ADAMTS20: variants seen among roughly 807,000 people sequenced by gnomAD.
ADAMTS20 encodes ADAM metallopeptidase with thrombospondin type 1 motif 20, also known as A disintegrin and metalloproteinase with thrombospondin motifs 20.
Under a neutral mutation model 260.1 loss-of-function variants are expected in ADAMTS20, and 225 were observed. The ratio of observed to expected loss-of-function variants is 0.87; its 90% CI spans 0.78 to 0.97. ADAMTS20 has a LOEUF of 0.97. Ranked by LOEUF, ADAMTS20 falls within the 50% of genes least tolerant of loss-of-function variation. The pLI is 0.00. For synonymous variants in ADAMTS20, 802 were observed against 769.5 expected (o/e 1.04, Z -0.70); for missense variants, 2,400 against 2,337.7 (o/e 1.03, Z -0.55).
At chr12:43,365,155 A>T (rs1021049063) in intron 37 of ADAMTS20, among the ~76,000 whole-genome samples, 76 of 152,176 alleles carry the variant, frequency 5.0e-4, no homozygotes, top group African/African-American at 1.8e-3. Flanking sequence ...TTTAATAAGC[A>T]AACCTATCAT....
intron 28 of ADAMTS20, among the ~76,000 whole-genome samples, chr12:43,416,415 T>C (rs1941130477): frequency 6.6e-6 from 1 of 152,198 alleles, no homozygotes; most frequent in Non-Finnish European, 1.5e-5. Context: ...TGATCCTCAT[T>C]GGTCTTCTTG....
intron 29 of ADAMTS20, among the ~76,000 whole-genome samples, chr12:43,385,744 C>G (rs555932938): frequency 6.6e-5 from 10 of 152,232 alleles, no homozygotes; most frequent in Non-Finnish European, 1.5e-4. Flanking sequence ...AAGATTTGGT[C>G]AAAGATCAGA....
At chr12:43,461,362 T>C (rs190537952) in intron 11 of ADAMTS20, among the ~76,000 whole-genome samples, 64 of 152,226 alleles carry the variant, frequency 4.2e-4, no homozygotes, top group Non-Finnish European at 7.2e-4. Context: ...TGCATCCACA[T>C]TTGTTAAAAT....
chr12:43,491,619 T>G (rs1431325141), intron 6 of ADAMTS20, among the ~76,000 whole-genome samples: 1 of 152,218 alleles, frequency 6.6e-6, no homozygotes, highest in Non-Finnish European at 1.5e-5. Context: ...GCATTGCTTG[T>G]AAAATGAATA....
At chr12:43,512,955 T>A (rs920827818) in intron 3 of ADAMTS20, among the ~76,000 whole-genome samples, 3 of 152,184 alleles carry the variant, frequency 2.0e-5, no homozygotes. Flanking sequence ...TTGGTAAATG[T>A]TGATTCCTAG....
At chr12:43,472,454 G>A (rs1942280699) in intron 7 of ADAMTS20, among the ~76,000 whole-genome samples, 1 of 133,518 alleles carries the variant, frequency 7.5e-6, no homozygotes, top group Admixed American at 7.8e-5. Flanking sequence ...TAGCAAGGCA[G>A]GCCAACGTTC....
At chr12:43,539,976 G>A (rs984133358) in intron 2 of ADAMTS20, among the ~76,000 whole-genome samples, 5 of 151,204 alleles carry the variant, frequency 3.3e-5, no homozygotes, top group Non-Finnish European at 5.9e-5. Context: ...TCCACCTCCC[G>A]GGTTCAAGTG....
intron 28 of ADAMTS20, among the ~76,000 whole-genome samples, chr12:43,413,004 T>C (rs887515592): frequency 9.2e-5 from 14 of 151,766 alleles, no homozygotes; most frequent in Admixed American, 5.9e-4. Flanking sequence ...AGAGATGGGG[T>C]TTCACCATGT....
chr12:43,427,257 A>G (rs1382387304), intron 27 of ADAMTS20, 51 bp downstream of exon 27: 1 of 1,566,690 alleles, frequency 6.4e-7, no homozygotes, highest in African/African-American at 1.4e-5. Context: ...TTTTACTTTC[A>G]GTCTTCAGAG....
intron 3 of ADAMTS20, among the ~76,000 whole-genome samples, chr12:43,513,402 C>G (rs529409669): frequency 6.6e-6 from 1 of 152,164 alleles, no homozygotes; most frequent in Non-Finnish European, 1.5e-5. Flanking sequence ...TGTTCATTCA[C>G]GAACTCAAAG....
intron 3 of ADAMTS20, 108 bp from the exon 4 acceptor site, chr12:43,502,513 C>A: frequency 1.0e-6 from 1 of 981,354 alleles, no homozygotes; most frequent in African/African-American, 1.7e-5. Flanking sequence ...TATCTGTTCC[C>A]AACATGAAAA....
At chr12:43,549,901 A>G (rs1260866035) in intron 2 of ADAMTS20, among the ~76,000 whole-genome samples, 2 of 152,228 alleles carry the variant, frequency 1.3e-5, no homozygotes, top group Non-Finnish European at 2.9e-5. Flanking sequence ...TTATTTAATC[A>G]AAGAATAAAC....
intron 28 of ADAMTS20, among the ~76,000 whole-genome samples, chr12:43,407,511 A>C (rs2137264612): frequency 6.6e-6 from 1 of 151,858 alleles, no homozygotes; most frequent in South Asian, 2.1e-4. Context: ...CTATATTATA[A>C]CTTTGGAAAA....
At chr12:43,425,480 T>C in intron 28 of ADAMTS20, 34 bp downstream of exon 28, 1 of 1,428,886 alleles carries the variant, frequency 7.0e-7, no homozygotes, top group Non-Finnish European at 9.3e-7. Context: ...AACTTTAAAG[T>C]ATGACATGTT....
chr12:43,512,709 T>C (rs568326201), intron 3 of ADAMTS20, among the ~76,000 whole-genome samples: 21 of 152,302 alleles, frequency 1.4e-4, no homozygotes, highest in Non-Finnish European at 2.2e-4. Context: ...CCATCAGTCT[T>C]CCTTGCATCC....
intron 11 of ADAMTS20, among the ~76,000 whole-genome samples, chr12:43,458,180 C>A (rs1418895848): frequency 1.3e-5 from 2 of 152,186 alleles, no homozygotes; most frequent in African/African-American, 4.8e-5. Flanking sequence ...CCTCCCCACC[C>A]CCCAATGGGG....
Position 43,432,325 on chromosome 12 carries a change from C to T in ADAMTS20, c.3075G>A (p.Trp1025Ter). 6.2e-7 allele frequency: 1 copy of T among 1,613,784 alleles called. No individual in the cohort carries two copies. The highest frequency in any genetic ancestry group is 8.5e-7 in the Non-Finnish European group (1 of 1,179,824). ...ENCNEFSCPS[W>*]AASEWSECLV... ...GTACCTCGCTCCATTCACTAGCAGCCCAACTGGGACAGGAAAATTCATTGC... is the reference window on the plus strand; with the variant it reads ...GTACCTCGCTCCATTCACTAGCAGCTCAACTGGGACAGGAAAATTCATTGC... The change falls in exon 21 of 39, where the codon TGG becomes TGA. Residue 1025 changes from tryptophan to a stop codon, truncating the protein, a stop_gained. Transcript: ENST00000389420. LOFTEE classifies it high-confidence loss of function.
At chr12:43,372,800 G>A (rs560439711) in intron 36 of ADAMTS20, among the ~76,000 whole-genome samples, 6 of 152,176 alleles carry the variant, frequency 3.9e-5, no homozygotes, top group Non-Finnish European at 8.8e-5. Flanking sequence ...AAAGCAAGGA[G>A]ATAGGTAAAG....
chr12:43,491,633 AT>A (rs1942601345), intron 6 of ADAMTS20, among the ~76,000 whole-genome samples: 1 of 152,190 alleles, frequency 6.6e-6, no homozygotes, highest in Non-Finnish European at 1.5e-5. Flanking sequence ...ATGAATAATA[AT>A]TTTATAACAG....
Sources: gnomAD v4.1 joint callset for allele counts (sites outside exome capture counted in the v4.1 genomes callset) on GRCh38, gnomAD v4.1.1 for gene constraint, MANE v1.5 for transcripts, NCBI Gene and HGNC (gene_info 2026-07-23, HGNC 2026-07-21) for gene names.